Variants in POLA1 observed in about 807,000 individuals in gnomAD.
POLA1 encodes DNA polymerase alpha 1, catalytic subunit.
In POLA1, 15 loss-of-function variants were observed where a neutral mutation model predicts 124.0. That is an observed-to-expected ratio of 0.12 (90% CI 0.08 to 0.19). The LOEUF (loss-of-function observed/expected upper bound fraction) is 0.19, where lower values mean the gene tolerates loss of function less well. POLA1 is among the 10% of genes least tolerant of loss of function. POLA1 has a pLI of 1.00. For missense variants in POLA1, 886 were observed against 1,103.4 expected, an observed-to-expected ratio of 0.80 and a Z score of 2.79; for synonymous variants, 408 against 389.4, an observed-to-expected ratio of 1.05 and a Z score of -0.56.
chrX:24,884,954 A>G (rs768016996), intron 34 of POLA1, among the ~76,000 whole-genome samples: 4 of 112,196 alleles, frequency 3.6e-5, no homozygotes, highest in African/African-American at 1.3e-4. Context: ...CCTCTGTCAG[A>G]GTTAGGTGCT....
At chrX:24,928,297 G>A (rs937370883) in intron 35 of POLA1, among the ~76,000 whole-genome samples, 16 of 111,636 alleles carry the variant, frequency 1.4e-4, no homozygotes, top group African/African-American at 2.3e-4. Flanking sequence ...GTTGTCACTC[G>A]TTTGCTTCAG....
intron 35 of POLA1, among the ~76,000 whole-genome samples, chrX:24,925,859 G>A (rs189910760): frequency 2.4e-4 from 27 of 111,001 alleles, no homozygotes; most frequent in Admixed American, 1.3e-3. Flanking sequence ...GGGTTCAAGC[G>A]TTTCTGCTGC....
chrX:24,911,257 AC>A (rs1451026372), intron 35 of POLA1, among the ~76,000 whole-genome samples: 1 of 111,865 alleles, frequency 8.9e-6, no homozygotes, highest in Non-Finnish European at 1.9e-5. Flanking sequence ...TAGGTCAATT[AC>A]CGATGCTCAT....
At chrX:24,775,259 T>A (rs150260778) in intron 26 of POLA1, 67 of 111,572 alleles carry the variant, frequency 6.0e-4, no homozygotes, top group African/African-American at 2.1e-3. Flanking sequence ...ATTTTGCTGT[T>A]GATACTAGTG....
At chrX:24,903,286 G>A (rs752448916) in intron 35 of POLA1, among the ~76,000 whole-genome samples, 67 of 112,779 alleles carry the variant, frequency 5.9e-4, no homozygotes, top group Non-Finnish European at 8.8e-4. Flanking sequence ...ACTGTATCTC[G>A]TTTTGTCTTG....
intron 26 of POLA1, among the ~76,000 whole-genome samples, chrX:24,806,068 T>G (rs2045794137): frequency 3.6e-5 from 1 of 27,779 alleles, no homozygotes; most frequent in African/African-American, 1.8e-4. Context: ...TTTTTTTTTT[T>G]TTTTTTTTTT....
chrX:24,993,822 G>A (rs997945664), intron 36 of POLA1, among the ~76,000 whole-genome samples: 3 of 111,988 alleles, frequency 2.7e-5, no homozygotes, highest in Admixed American at 9.4e-5. Flanking sequence ...TGCCTTGGCC[G>A]TATTGACTGG....
At chrX:24,760,605 C>A (rs996721299) in intron 26 of POLA1, among the ~76,000 whole-genome samples, 1 of 112,082 alleles carries the variant, frequency 8.9e-6, no homozygotes, top group East Asian at 2.8e-4. Context: ...AAAACAAGCT[C>A]ATTGGGCTTG....
intron 30 of POLA1, among the ~76,000 whole-genome samples, chrX:24,820,554 A>G (rs951899210): frequency 9.0e-6 from 1 of 110,854 alleles, no homozygotes; most frequent in African/African-American, 3.3e-5. Flanking sequence ...TCTTGCCCCC[A>G]TTACCTTTTC....
In POLA1 at chrX:24,788,309, T is replaced by C. The variant is rs1221839273; in HGVS notation, c.2965-21589T>C. On this transcript the variant is annotated intron_variant, in intron 26 of 36. Transcript: ENST00000379068. ...TTTTCATCTAAGATTGGGAACAAGA[T>C]AAGGATGCCCACTTTTACTACTTCT... The C allele has an allele frequency of 2.3e-5, 23 of 980,230 alleles. No individual in the cohort carries two copies. In the East Asian group the frequency reaches 7.6e-4, roughly 32 times the overall value. The allele number at this position is 980,230 out of a possible 1,213,427, so 80.8% of individuals were successfully genotyped here.
At chrX:24,725,585 T>C (rs1469718791) in intron 12 of POLA1, among the ~76,000 whole-genome samples, 1 of 111,954 alleles carries the variant, frequency 8.9e-6, no homozygotes, top group Non-Finnish European at 1.9e-5. Context: ...TTAATTCATA[T>C]TAGATGATGA....
chrX:24,929,928 C>G lies in POLA1; in HGVS notation c.4165-525C>G, dbSNP rs1390843457. ...GTACTTCTCAGAGATCATACGTTGC[C>G]CACTTAGGATTACCACAGAGCAAAT... On this transcript the variant is annotated intron_variant, in intron 35 of 36. Coordinates refer to ENST00000379068, the MANE Select transcript of POLA1 (RefSeq NM_001330360.2). 2.7e-5 allele frequency among the ~76,000 whole-genome samples: 3 copies of G among 111,614 alleles called. No homozygotes were observed. The East Asian group carries it at 8.4e-4, about 31-fold the overall frequency.
At chrX:24,894,974 A>C (rs772962049) in intron 35 of POLA1, among the ~76,000 whole-genome samples, 1 of 109,982 alleles carries the variant, frequency 9.1e-6, no homozygotes, top group Non-Finnish European at 1.9e-5. Flanking sequence ...GGGCTTTGCC[A>C]TGTTGCCCAG....
intron 28 of POLA1, among the ~76,000 whole-genome samples, chrX:24,812,318 T>A (rs1367702017): frequency 8.9e-6 from 1 of 112,626 alleles, no homozygotes; most frequent in Non-Finnish European, 1.9e-5. Flanking sequence ...TGAAGGCAAG[T>A]ACTGTATGTA....
intron 26 of POLA1, among the ~76,000 whole-genome samples, chrX:24,759,316 A>T (rs1240653821): frequency 8.9e-6 from 1 of 112,260 alleles, no homozygotes; most frequent in Non-Finnish European, 1.9e-5. Flanking sequence ...AACACAAAAC[A>T]AAAGTCTGCA....
chrX:24,855,287 T>C, intron 34 of POLA1, among the ~76,000 whole-genome samples: 1 of 111,953 alleles, frequency 8.9e-6, no homozygotes, highest in Middle Eastern at 4.6e-3. Context: ...GCAAATTTAT[T>C]TTTAAATTTA....
intron 34 of POLA1, among the ~76,000 whole-genome samples, chrX:24,873,830 C>A (rs1034224264): frequency 3.6e-5 from 4 of 111,390 alleles, no homozygotes; most frequent in Admixed American, 9.5e-5. Context: ...CCCAATATAT[C>A]CAAAATGGCA....
chrX:24,835,179 C>T (rs1480315569), intron 32 of POLA1, among the ~76,000 whole-genome samples: 9 of 109,670 alleles, frequency 8.2e-5, no homozygotes, highest in Admixed American at 6.8e-4. Context: ...TCCTGAGTAG[C>T]TGGGATCGCA....
intron 35 of POLA1, among the ~76,000 whole-genome samples, chrX:24,918,833 CAGA>C (rs1436437000): frequency 9.1e-6 from 1 of 110,362 alleles, no homozygotes; most frequent in Non-Finnish European, 1.9e-5. Flanking sequence ...AAGTGAGAGA[CAGA>C]GGAGGGGAGG....
Sources: gnomAD v4.1 joint callset for allele counts (sites outside exome capture counted in the v4.1 genomes callset) on GRCh38, gnomAD v4.1.1 for gene constraint, MANE v1.5 for transcripts, NCBI Gene and HGNC (gene_info 2026-07-23, HGNC 2026-07-21) for gene names.